Variants in FLRT2 observed in about 807,000 individuals in gnomAD.
FLRT2 encodes leucine-rich repeat transmembrane protein FLRT2.
Under a neutral mutation model 40.0 loss-of-function variants are expected in FLRT2, and 15 were observed. That is an observed-to-expected ratio of 0.38 (90% CI 0.25 to 0.58). FLRT2 has a LOEUF of 0.58. Among genes scored for constraint, FLRT2 ranks in the 20% least tolerant of loss-of-function variants. FLRT2 has a pLI of 0.71. For missense variants in FLRT2, 726 were observed against 840.0 expected (o/e 0.86, Z 1.68); for synonymous variants, 380 against 336.8 (o/e 1.13, Z -1.41).
rs1159450459 is a variant in FLRT2, at chr14:85,624,356, T to C, written c.*859T>C. ...TCAACAGAGATATATTCTAGAATAC[T>C]TTTTTAGAAGAGGCTAATAAAGGGA... On this transcript the variant is annotated 3_prime_UTR_variant, in exon 2 of 2. Coordinates refer to ENST00000330753, the MANE Select transcript of FLRT2 (RefSeq NM_013231.6). 1 of 167,026 alleles carries C rather than the reference T, an allele frequency of 6.0e-6. No homozygotes were observed. The highest frequency in any genetic ancestry group is 1.5e-5 in the Non-Finnish European group (1 of 68,110). 10.3% of individuals were successfully genotyped at this position (167,026 alleles called of 1,614,324 possible). A position where few individuals can be genotyped will look rare whatever the true frequency, so the allele number is the denominator to read the frequency against.
rs1894302317 is a variant in FLRT2, at chr14:85,646,304, T to A, written c.*22807T>A. The A allele has an allele frequency of 6.6e-6, 1 of 152,228 alleles. No homozygotes were observed. The highest frequency in any genetic ancestry group is 2.1e-4 in the South Asian group (1 of 4,834). 9.4% of individuals were successfully genotyped at this position (152,228 alleles called of 1,614,324 possible). Reference sequence around the variant, plus strand: ...TTCAGAATAAGATGTATGATCTGAATTAGTGGCCAATACCTGGCCCTTTTT... The same window carrying A: ...TTCAGAATAAGATGTATGATCTGAAATAGTGGCCAATACCTGGCCCTTTTT... On this transcript the variant is annotated 3_prime_UTR_variant, in exon 2 of 2. Coordinates refer to ENST00000330753, the MANE Select transcript of FLRT2 (RefSeq NM_013231.6).
intron 1 of FLRT2, among the ~76,000 whole-genome samples, chr14:85,608,403 T>G (rs1433475581): frequency 1.3e-5 from 2 of 151,836 alleles, no homozygotes; most frequent in Non-Finnish European, 2.9e-5. Context: ...CTGGCTAAAT[T>G]TTGTATTTTT....
chr14:85,623,545 A>C lies in FLRT2; in HGVS notation c.*48A>C, dbSNP rs765834585. 4.9e-5 allele frequency: 67 copies of C among 1,378,362 alleles called. No individual in the cohort carries two copies. The highest frequency in any genetic ancestry group is 6.3e-5 in the Non-Finnish European group (66 of 1,054,066). 85.4% of individuals were successfully genotyped at this position (1,378,362 alleles called of 1,614,324 possible). ...AAGGCGGACAATTAGACTCTTGAGA[A>C]CACACTCGTGTGTGCACATAAAGAC... On this transcript the variant is annotated 3_prime_UTR_variant, in exon 2 of 2. Transcript: ENST00000330753.
At position 85,603,413 on chromosome 14, in the gene FLRT2, A is replaced by G. The variant is rs569593953; in HGVS notation, c.-376-17726A>G. On this transcript the variant is annotated intron_variant, in intron 1 of 1. Coordinates refer to ENST00000330753, the MANE Select transcript of FLRT2 (RefSeq NM_013231.6). ...TGACTGAATAACTGATAGCTTCAAA[A>G]CCAGCATATAAAGAATAGCTGTGTC... Among the ~76,000 whole-genome samples, 10 of 152,356 alleles carry G rather than the reference A, an allele frequency of 6.6e-5. No homozygotes were observed. The East Asian group carries it at 1.9e-3, about 29-fold the overall frequency.
intron 1 of FLRT2, among the ~76,000 whole-genome samples, chr14:85,591,853 T>A (rs979705171): frequency 2.0e-5 from 3 of 152,226 alleles, no homozygotes; most frequent in African/African-American, 7.2e-5. Flanking sequence ...ATACATAGCA[T>A]TTTTACTGCT....
intron 1 of FLRT2, among the ~76,000 whole-genome samples, chr14:85,545,613 C>T (rs1889236084): frequency 6.6e-6 from 1 of 152,154 alleles, no homozygotes; most frequent in Admixed American, 6.5e-5. Context: ...AGTTAGTCTG[C>T]CACTTTTGGG....
chr14:85,619,922 T>C (rs1893306212), intron 1 of FLRT2, among the ~76,000 whole-genome samples: 1 of 152,142 alleles, frequency 6.6e-6, no homozygotes, highest in Non-Finnish European at 1.5e-5. Context: ...AGACCTCCTA[T>C]AAAAGCAGGA....
At chr14:85,537,785 G>A (rs1025767159) in intron 1 of FLRT2, among the ~76,000 whole-genome samples, 1 of 151,124 alleles carries the variant, frequency 6.6e-6, no homozygotes, top group Non-Finnish European at 1.5e-5. Context: ...CACTGTACTA[G>A]TAAAATAATC....
chr14:85,639,416 G>A lies in FLRT2; in HGVS notation c.*15919G>A, dbSNP rs1468478278. ...TAGTTTACCGGGTTGGGCAAAAAGA[G>A]GATGAGTATTAAAGGTCATTAGGCA... On this transcript the variant is annotated 3_prime_UTR_variant, in exon 2 of 2. Transcript: ENST00000330753. 1.3e-5 allele frequency: 2 copies of A among 152,100 alleles called. No homozygotes were observed. Among genetic ancestry groups the A allele is most frequent in the Non-Finnish European group, 2.9e-5 (2 of 68,042 alleles). The allele number at this position is 152,100 out of a possible 1,614,324, so 9.4% of individuals were successfully genotyped here. A position where few individuals can be genotyped will look rare whatever the true frequency, so the allele number is the denominator to read the frequency against.
At position 85,652,500 on chromosome 14, in the gene FLRT2, G is replaced by A. The variant is rs1009332995; in HGVS notation, c.*29003G>A. 13 of 150,950 alleles carry A rather than the reference G, an allele frequency of 8.6e-5. 1 individual carries two copies. The South Asian group carries it at 1.9e-3, about 22-fold the overall frequency. 9.4% of individuals were successfully genotyped at this position (150,950 alleles called of 1,614,324 possible). A position where few individuals can be genotyped will look rare whatever the true frequency, so the allele number is the denominator to read the frequency against. The stretch of plus-strand genomic sequence containing the variant: ...TTTTTGAGAATTTTTTTCTTATAAC[G>A]TTCTTCATCTGATTAAACAAACAAA... On this transcript the variant is annotated 3_prime_UTR_variant, in exon 2 of 2. Coordinates refer to ENST00000330753, the MANE Select transcript of FLRT2 (RefSeq NM_013231.6).
In FLRT2 at chr14:85,624,196, C is replaced by G; in HGVS notation, c.*699C>G. 1 of 167,014 alleles carries G rather than the reference C, an allele frequency of 6.0e-6. No homozygotes were observed. The allele number at this position is 167,014 out of a possible 1,614,324, so 10.3% of individuals were successfully genotyped here. A position where few individuals can be genotyped will look rare whatever the true frequency, so the allele number is the denominator to read the frequency against. On this transcript the variant is annotated 3_prime_UTR_variant, in exon 2 of 2. Transcript: ENST00000330753. ...ACTTAAAAATCACTCTTCATGCTTCCCTGGTCCTATGTGATAACAGAGTTA... is the reference window on the plus strand; with the variant it reads ...ACTTAAAAATCACTCTTCATGCTTCGCTGGTCCTATGTGATAACAGAGTTA...
intron 1 of FLRT2, among the ~76,000 whole-genome samples, chr14:85,564,323 A>G (rs1444002418): frequency 1.3e-5 from 2 of 152,212 alleles, no homozygotes; most frequent in African/African-American, 2.4e-5. Context: ...TGTTTAACCC[A>G]TATGTTGAGT....
Position 85,627,820 on chromosome 14 carries a change from C to T in FLRT2, c.*4323C>T, listed in dbSNP as rs1170999032. ...GGCTGAAAGATTCTGCATCACACAT[C>T]CTCTGAGACCTACCATGTCGCACAC... On this transcript the variant is annotated 3_prime_UTR_variant, in exon 2 of 2. Transcript: ENST00000330753. 1 of 167,068 alleles carries T rather than the reference C, an allele frequency of 6.0e-6. No homozygotes were observed. Among genetic ancestry groups the T allele is most frequent in the Non-Finnish European group, 1.5e-5 (1 of 68,124 alleles). The allele number at this position is 167,068 out of a possible 1,614,324, so 10.3% of individuals were successfully genotyped here. A position where few individuals can be genotyped will look rare whatever the true frequency, so the allele number is the denominator to read the frequency against.
chr14:85,580,581 G>A (rs1891341963), intron 1 of FLRT2, among the ~76,000 whole-genome samples: 2 of 152,166 alleles, frequency 1.3e-5, no homozygotes, highest in Admixed American at 1.3e-4. Flanking sequence ...GTCTTAGTCT[G>A]TTTAATGTTC....
At chr14:85,594,074 A>G (rs1302057226) in intron 1 of FLRT2, among the ~76,000 whole-genome samples, 1 of 152,044 alleles carries the variant, frequency 6.6e-6, no homozygotes, top group African/African-American at 2.4e-5. Context: ...AAACATATAT[A>G]TATGTATTTA....
At position 85,623,060 on chromosome 14, in the gene FLRT2, G is replaced by A; in HGVS notation, c.1546G>A (p.Ala516Thr). The A allele has an allele frequency of 6.2e-7, 1 of 1,614,170 alleles. No homozygotes were observed. Among genetic ancestry groups the A allele is most frequent in the Non-Finnish European group, 8.5e-7 (1 of 1,180,040 alleles). Residue 516 changes from alanine (A) to threonine (T), a missense_variant, in exon 2 of 2, where the codon GCC (alanine) becomes ACC (threonine). Ala to Thr is a moderately conservative substitution (Grantham distance 58). This residue lies in a region of FLRT2 where 611 missense variants were observed against 690.0 expected (regional missense o/e 0.89). Transcript: ENST00000330753. ...CATTTGTTCAGAGGCCACCACCCAT[G>A]CCTCCTATCTGAACAACGGCAGCAA... Reference protein sequence around the residue: ...DTICSEATTHASYLNNGSNTA... With the variant: ...DTICSEATTHTSYLNNGSNTA...
chr14:85,613,862 G>A (rs116167679), intron 1 of FLRT2, among the ~76,000 whole-genome samples: 1 of 152,148 alleles, frequency 6.6e-6, no homozygotes, highest in Non-Finnish European at 1.5e-5. Flanking sequence ...TTTCAGGATT[G>A]ATGGAAGGAA....
intron 1 of FLRT2, among the ~76,000 whole-genome samples, chr14:85,618,933 A>G (rs1339903747): frequency 6.6e-6 from 1 of 152,168 alleles, no homozygotes; most frequent in Non-Finnish European, 1.5e-5. Context: ...GGATGCCATC[A>G]GGCTGATAGC....
chr14:85,587,394 A>G (rs1358764955), intron 1 of FLRT2, among the ~76,000 whole-genome samples: 1 of 152,062 alleles, frequency 6.6e-6, no homozygotes, highest in Non-Finnish European at 1.5e-5. Context: ...CCTACGCAAA[A>G]GCTACTTCAG....
Sources: allele counts gnomAD v4.1 joint callset (sites outside exome capture counted in the v4.1 genomes callset), GRCh38; gene constraint gnomAD v4.1.1; regional missense constraint gnomAD v4.1.1; transcripts MANE v1.5; gene names NCBI Gene and HGNC (gene_info 2026-07-23, HGNC 2026-07-21).